DNAH9: variants seen among roughly 807,000 people sequenced by gnomAD.
DNAH9 encodes the protein DNAH9 variant protein.
A neutral mutation model predicts 471.6 loss-of-function variants in DNAH9; 345 were observed. That is an observed-to-expected ratio of 0.73 (90% CI 0.67 to 0.80). The LOEUF is 0.80. Ranked by LOEUF, DNAH9 falls within the 30% of genes least tolerant of loss-of-function variation. The probability of loss-of-function intolerance (pLI) is 0.00; values close to 1 mark genes in which losing one functional copy is unlikely to be tolerated. For missense variants in DNAH9, 5,407 were observed against 5,609.2 expected (o/e 0.96, Z 1.15); for synonymous variants, 2,093 against 2,123.6 (o/e 0.99, Z 0.40).
At chr17:11,688,661 CTA>C (rs2074281076) in intron 19 of DNAH9, among the ~76,000 whole-genome samples, 2 of 152,136 alleles carry the variant, frequency 1.3e-5, no homozygotes. Flanking sequence ...TTTAGTTGGT[CTA>C]TAGAGCAGTC....
chr17:11,762,790 T>TTG (rs1967763787), intron 35 of DNAH9, among the ~76,000 whole-genome samples: 1 of 138,644 alleles, frequency 7.2e-6, no homozygotes, highest in African/African-American at 2.6e-5. Context: ...TTTTTTTTTT[T>TTG]TTTTTTTGAG....
rs544630438 is a variant in DNAH9 at position 11,880,485 on chromosome 17, C to T, written c.10601+285C>T. Among the ~76,000 whole-genome samples, 11 of 152,220 alleles carry T rather than the reference C, an allele frequency of 7.2e-5. No homozygotes were observed. In the East Asian group the frequency reaches 1.7e-3, roughly 24 times the overall value. ...TTTTGGAAAAACTTGAGAAGGAAAT[C>T]GGTCAAAAAGCAGACTGACTTTTAA... On this transcript the variant is annotated intron_variant, in intron 54 of 68. Transcript: ENST00000262442.
At chr17:11,909,783 C>T (rs117726394) in intron 61 of DNAH9, among the ~76,000 whole-genome samples, 8,575 of 152,166 alleles carry the variant, frequency 0.056, 324 homozygotes, top group Middle Eastern at 0.11. Flanking sequence ...ACAATTCACC[C>T]ATTTAAAGTG....
chr17:11,688,754 T>C (rs2074282650), intron 19 of DNAH9, among the ~76,000 whole-genome samples: 1 of 152,112 alleles, frequency 6.6e-6, no homozygotes. Flanking sequence ...GAGTGATCAA[T>C]GGAGGGAGGG....
At chr17:11,696,466 A>C (rs2074478887) in intron 22 of DNAH9, among the ~76,000 whole-genome samples, 1 of 152,176 alleles carries the variant, frequency 6.6e-6, no homozygotes, top group Admixed American at 6.5e-5. Flanking sequence ...GTAAACTCCT[A>C]AAAGTGAGAT....
At chr17:11,795,347 A>G (rs1969206680) in intron 42 of DNAH9, among the ~76,000 whole-genome samples, 1 of 152,008 alleles carries the variant, frequency 6.6e-6, no homozygotes, top group Non-Finnish European at 1.5e-5. Context: ...TTCCACACAT[A>G]CTGCTTGTCT....
chr17:11,634,833 C>T (rs186059155), intron 8 of DNAH9, among the ~76,000 whole-genome samples: 15 of 152,292 alleles, frequency 9.8e-5, no homozygotes, highest in African/African-American at 3.6e-4. Context: ...CTGGATGCCT[C>T]AGACTTCTAG....
At chr17:11,918,205 T>TTTTTGTTTGG (rs1974018006) in intron 61 of DNAH9, among the ~76,000 whole-genome samples, 1 of 147,776 alleles carries the variant, frequency 6.8e-6, no homozygotes. Flanking sequence ...GTTGGGTGTT[T>TTTTTGTTTGG]TTTTGTTTTG....
intron 41 of DNAH9, among the ~76,000 whole-genome samples, chr17:11,786,819 C>T (rs1194471395): frequency 6.6e-6 from 1 of 152,086 alleles, no homozygotes; most frequent in Non-Finnish European, 1.5e-5. Context: ...GGAGATTGTT[C>T]CCCTGGCCTG....
chr17:11,729,258 C>T (rs1272093138), intron 28 of DNAH9, among the ~76,000 whole-genome samples: 1 of 152,116 alleles, frequency 6.6e-6, no homozygotes, highest in Non-Finnish European at 1.5e-5. Flanking sequence ...ACATCGTTTG[C>T]CAGCTTCTAT....
intron 3 of DNAH9, among the ~76,000 whole-genome samples, chr17:11,611,432 T>C (rs1207064210): frequency 6.6e-6 from 1 of 152,210 alleles, no homozygotes; most frequent in Non-Finnish European, 1.5e-5. Flanking sequence ...GTCACAGCAG[T>C]GTTTCCTGGA....
intron 62 of DNAH9, among the ~76,000 whole-genome samples, chr17:11,926,046 A>G (rs1974311165): frequency 1.4e-5 from 2 of 143,808 alleles, no homozygotes; most frequent in African/African-American, 2.8e-5. Flanking sequence ...AAAAAAAAAA[A>G]AAAAAAAAAA....
In DNAH9 at chr17:11,608,374, C is replaced by G. The variant is rs761735351; in HGVS notation, c.614+49C>G. Reference sequence around the variant, plus strand: ...ATGGGCCTCTGAGATATGGGAGATGCTGGTTATCAGAATGTTTTCCTTACA... The same window carrying G: ...ATGGGCCTCTGAGATATGGGAGATGGTGGTTATCAGAATGTTTTCCTTACA... On this transcript the variant is annotated intron_variant, in intron 2 of 68. Coordinates refer to ENST00000262442, the MANE Select transcript of DNAH9 (RefSeq NM_001372.4). The G allele has an allele frequency of 2.9e-6, 4 of 1,376,326 alleles. No individual in the cohort carries two copies. The South Asian group carries it at 5.0e-5, about 17-fold the overall frequency. 85.3% of individuals were successfully genotyped at this position (1,376,326 alleles called of 1,614,324 possible). A position where few individuals can be genotyped will look rare whatever the true frequency, so the allele number is the denominator to read the frequency against.
chr17:11,781,620 T>C (rs1032575235), intron 39 of DNAH9, among the ~76,000 whole-genome samples: 1 of 151,690 alleles, frequency 6.6e-6, no homozygotes, highest in Non-Finnish European at 1.5e-5. Flanking sequence ...GATCACAAGG[T>C]CAGGAGTTCG....
intron 53 of DNAH9, among the ~76,000 whole-genome samples, chr17:11,876,600 G>T (rs906280336): frequency 6.6e-6 from 1 of 152,198 alleles, no homozygotes; most frequent in African/African-American, 2.4e-5. Context: ...GGTTCCCAGG[G>T]TAGCCAAATT....
intron 49 of DNAH9, among the ~76,000 whole-genome samples, chr17:11,837,332 C>T (rs1970881971): frequency 6.6e-6 from 1 of 152,144 alleles, no homozygotes; most frequent in Non-Finnish European, 1.5e-5. Flanking sequence ...TAGATGCTGT[C>T]CTCGAACTAG....
At chr17:11,599,060 G>A in intron 1 of DNAH9, 145 bp downstream of exon 1, 1 of 675,714 alleles carries the variant, frequency 1.5e-6, no homozygotes, top group South Asian at 2.3e-5. Flanking sequence ...GAGGGGCGAG[G>A]CTGTGGAGGG....
chr17:11,796,356 T>C (rs373710448), intron 42 of DNAH9, among the ~76,000 whole-genome samples: 3 of 152,282 alleles, frequency 2.0e-5, no homozygotes, highest in African/African-American at 7.2e-5. Context: ...AGCATTTTTG[T>C]TATTGTCTGG....
chr17:11,800,252 CTTCAG>C (rs769257450), intron 43 of DNAH9, among the ~76,000 whole-genome samples: 6 of 151,974 alleles, frequency 3.9e-5, no homozygotes, highest in Non-Finnish European at 8.8e-5. Context: ...TTCCCTACAA[CTTCAG>C]TTCATGAACA....
Sources: allele counts gnomAD v4.1 joint callset (sites outside exome capture counted in the v4.1 genomes callset), GRCh38; gene constraint gnomAD v4.1.1; transcripts MANE v1.5; gene names NCBI Gene and HGNC (gene_info 2026-07-23, HGNC 2026-07-21).